GPR176: variants seen among roughly 807,000 people sequenced by gnomAD.
The protein encoded by GPR176 is G protein-coupled receptor 176, also known as G-protein coupled receptor 176.
In GPR176, 26 loss-of-function variants were observed where a neutral mutation model predicts 35.4. That is an observed-to-expected ratio of 0.74 (90% CI 0.54 to 1.02). The LOEUF (loss-of-function observed/expected upper bound fraction) is 1.02. Ranked by LOEUF, GPR176 falls within the 50% of genes least tolerant of loss-of-function variation. GPR176 has a pLI of 0.00. For synonymous variants in GPR176, 278 were observed against 271.3 expected, an observed-to-expected ratio of 1.02 and a Z score of -0.24; for missense variants, 597 against 665.3, an observed-to-expected ratio of 0.90 and a Z score of 1.13.
chr15:39,907,712 G>A (rs565164853), intron 1 of GPR176, among the ~76,000 whole-genome samples: 1 of 152,284 alleles, frequency 6.6e-6, no homozygotes, highest in African/African-American at 2.4e-5. Context: ...GGGCTACATC[G>A]AACAGTGCCA....
chr15:39,837,275 T>C (rs963816616), intron 1 of GPR176, among the ~76,000 whole-genome samples: 9 of 152,186 alleles, frequency 5.9e-5, no homozygotes, highest in Admixed American at 1.3e-4. Flanking sequence ...CACAGTACTA[T>C]AAGTGCCTGA....
chr15:39,843,507 G>C (rs1398553221), intron 1 of GPR176, among the ~76,000 whole-genome samples: 4 of 152,090 alleles, frequency 2.6e-5, no homozygotes, highest in African/African-American at 9.7e-5. Context: ...GCTACTCCCA[G>C]AATTGCATTT....
chr15:39,873,117 TA>T (rs1482666854), intron 1 of GPR176, among the ~76,000 whole-genome samples: 1 of 152,134 alleles, frequency 6.6e-6, no homozygotes, highest in Non-Finnish European at 1.5e-5. Flanking sequence ...TAACATATAT[TA>T]AACATTAAGC....
At chr15:39,878,693 C>G (rs1401647244) in intron 1 of GPR176, among the ~76,000 whole-genome samples, 1 of 152,090 alleles carries the variant, frequency 6.6e-6, no homozygotes, top group Non-Finnish European at 1.5e-5. Flanking sequence ...TTTTTAAGAA[C>G]CTCTATATAC....
At chr15:39,858,220 C>T (rs111628490) in intron 1 of GPR176, among the ~76,000 whole-genome samples, 38 of 152,152 alleles carry the variant, frequency 2.5e-4, no homozygotes, top group African/African-American at 8.4e-4. Flanking sequence ...AGCAAGAAGA[C>T]AGAAGGTCTG....
At chr15:39,890,544 C>G (rs901307179) in intron 1 of GPR176, among the ~76,000 whole-genome samples, 24 of 152,192 alleles carry the variant, frequency 1.6e-4, no homozygotes, top group African/African-American at 5.8e-4. Flanking sequence ...AGTATAGAAT[C>G]ATATACTTTG....
chr15:39,828,619 TGATTC>T (rs1489548379), intron 1 of GPR176, among the ~76,000 whole-genome samples: 1 of 152,196 alleles, frequency 6.6e-6, no homozygotes, highest in African/African-American at 2.4e-5. Flanking sequence ...TGGTTTCTTT[TGATTC>T]ACTCAGGGAG....
At chr15:39,819,077 C>CTA (rs1028235800) in intron 1 of GPR176, among the ~76,000 whole-genome samples, 4 of 152,198 alleles carry the variant, frequency 2.6e-5, no homozygotes, top group African/African-American at 9.6e-5. Flanking sequence ...ACTTCCCTTT[C>CTA]TATAGGTATA....
At chr15:39,898,337 T>C (rs1236724353) in intron 1 of GPR176, among the ~76,000 whole-genome samples, 1 of 152,174 alleles carries the variant, frequency 6.6e-6, no homozygotes, top group Non-Finnish European at 1.5e-5. Flanking sequence ...GTCAAGATAA[T>C]ACCGCCTTAA....
chr15:39,842,175 C>A (rs2030043116), intron 1 of GPR176, among the ~76,000 whole-genome samples: 1 of 152,234 alleles, frequency 6.6e-6, no homozygotes, highest in East Asian at 1.9e-4. Flanking sequence ...AATTGGCACA[C>A]AGTTCCACAG....
chr15:39,840,635 A>T (rs1157504620), intron 1 of GPR176, among the ~76,000 whole-genome samples: 1 of 152,178 alleles, frequency 6.6e-6, no homozygotes, highest in Non-Finnish European at 1.5e-5. Flanking sequence ...GTATAACAAT[A>T]ATAAAAAAGA....
At chr15:39,918,846 T>C (rs1747496256) in intron 1 of GPR176, among the ~76,000 whole-genome samples, 1 of 152,242 alleles carries the variant, frequency 6.6e-6, no homozygotes, top group African/African-American at 2.4e-5. Context: ...GTCTATTAAA[T>C]GTCAGTTATC....
At chr15:39,862,418 C>A (rs1270646517) in intron 1 of GPR176, 1 of 152,156 alleles carries the variant, frequency 6.6e-6, no homozygotes, top group Non-Finnish European at 1.5e-5. Flanking sequence ...TGTAAATAAA[C>A]ACTACAGAGG....
At chr15:39,917,681 G>T (rs1475921571) in intron 1 of GPR176, among the ~76,000 whole-genome samples, 3 of 151,862 alleles carry the variant, frequency 2.0e-5, no homozygotes. Flanking sequence ...ATATTTATGG[G>T]TTTTTTTCTG....
intron 1 of GPR176, among the ~76,000 whole-genome samples, chr15:39,852,151 A>G (rs1218071428): frequency 6.6e-6 from 1 of 152,172 alleles, no homozygotes; most frequent in Non-Finnish European, 1.5e-5. Context: ...AATTTTCTCA[A>G]TTGTAATATT....
At chr15:39,899,183 T>A (rs1274730794) in intron 1 of GPR176, among the ~76,000 whole-genome samples, 1 of 152,180 alleles carries the variant, frequency 6.6e-6, no homozygotes, top group Non-Finnish European at 1.5e-5. Flanking sequence ...CATTGTGTAG[T>A]AGTAGCTTAC....
At chr15:39,908,560 T>C (rs2033488298) in intron 1 of GPR176, among the ~76,000 whole-genome samples, 1 of 151,990 alleles carries the variant, frequency 6.6e-6, no homozygotes, top group Non-Finnish European at 1.5e-5. Context: ...CTTTTTTTTT[T>C]TTTCTTTTTT....
At chr15:39,885,600 A>C (rs1487387398) in intron 1 of GPR176, among the ~76,000 whole-genome samples, 2 of 127,496 alleles carry the variant, frequency 1.6e-5, no homozygotes, top group Non-Finnish European at 3.2e-5. Flanking sequence ...GTATGAAGCA[A>C]TCTTTATTTC....
At chr15:39,831,909 A>G (rs1901101602) in intron 1 of GPR176, among the ~76,000 whole-genome samples, 1 of 151,918 alleles carries the variant, frequency 6.6e-6, no homozygotes, top group African/African-American at 2.4e-5. Context: ...ATTTTATCCC[A>G]AATCCCTGGT....
Sources: allele counts gnomAD v4.1 joint callset (sites outside exome capture counted in the v4.1 genomes callset), GRCh38; gene constraint gnomAD v4.1.1; transcripts MANE v1.5; gene names NCBI Gene and HGNC (gene_info 2026-07-23, HGNC 2026-07-21).